Variants in DLG2 observed in about 807,000 individuals in gnomAD.
The protein encoded by DLG2 is disks large homolog 2.
A neutral mutation model predicts 132.5 loss-of-function variants in DLG2; 45 were observed. The observed-to-expected ratio is 0.34, with a 90% CI of 0.27 to 0.44. The LOEUF is 0.44. Ranked by LOEUF, DLG2 falls within the 20% of genes least tolerant of loss-of-function variation. DLG2 has a pLI of 1.00. For synonymous variants in DLG2, 424 were observed against 419.6 expected (o/e 1.01, Z -0.13); for missense variants, 1,045 against 1,196.9 (o/e 0.87, Z 1.87).
chr11:84,504,994 T>C (rs541637757), intron 7 of DLG2, among the ~76,000 whole-genome samples: 1 of 152,292 alleles, frequency 6.6e-6, no homozygotes, highest in South Asian at 2.1e-4. Context: ...ATTCACTCTT[T>C]TATATTCTTT....
At chr11:83,562,886 G>C (rs916549151) in intron 19 of DLG2, among the ~76,000 whole-genome samples, 1 of 150,926 alleles carries the variant, frequency 6.6e-6, no homozygotes, top group Non-Finnish European at 1.5e-5. Flanking sequence ...ATCTGCATCT[G>C]GTCTTTAAGA....
At chr11:84,302,845 G>C (rs776671609) in intron 7 of DLG2, among the ~76,000 whole-genome samples, 1 of 152,012 alleles carries the variant, frequency 6.6e-6, no homozygotes, top group Non-Finnish European at 1.5e-5. Context: ...TCAGCACTTT[G>C]GGAGACCGAG....
intron 6 of DLG2, among the ~76,000 whole-genome samples, chr11:84,724,024 T>C (rs1247511124): frequency 2.0e-5 from 3 of 152,156 alleles, no homozygotes; most frequent in Non-Finnish European, 4.4e-5. Flanking sequence ...TAGCTAGTTA[T>C]GCATCTTTTT....
chr11:84,284,094 C>T (rs1458490446), intron 7 of DLG2, among the ~76,000 whole-genome samples: 10 of 152,072 alleles, frequency 6.6e-5, no homozygotes, highest in Admixed American at 5.2e-4. Context: ...ATTAGCCAGG[C>T]GTGGTGGTGC....
In DLG2 at chr11:85,583,144, A is replaced by G. The variant is rs1416898228; in HGVS notation, c.40+15513T>C. Reference sequence around the variant, plus strand: ...TGTGTGTGTGTGTATATATATATATATATATATATATATATATATATATAT... The same window carrying G: ...TGTGTGTGTGTGTATATATATATATGTATATATATATATATATATATATAT... On this transcript the variant is annotated intron_variant, in intron 3 of 27. Coordinates refer to ENST00000376104, the MANE Select transcript of DLG2 (RefSeq NM_001142699.3). Among the ~76,000 whole-genome samples, 150 of 104,308 alleles carry G rather than the reference A, an allele frequency of 1.4e-3. 1 individual carries two copies. Among genetic ancestry groups the G allele is most frequent in the African/African-American group, 3.2e-3 (87 of 27,082 alleles). 68.4% of individuals were successfully genotyped at this position (104,308 alleles called of 152,430 possible).
At chr11:85,252,852 G>A (rs1194245708) in intron 4 of DLG2, among the ~76,000 whole-genome samples, 2 of 152,114 alleles carry the variant, frequency 1.3e-5, no homozygotes, top group South Asian at 2.1e-4. Context: ...TACCAAGAAG[G>A]GTTTGAATAA....
At chr11:83,483,380 T>G (rs1591603793) in intron 22 of DLG2, 1 of 1,046,512 alleles carries the variant, frequency 9.6e-7, no homozygotes, top group South Asian at 1.3e-5. Context: ...GGAGTTGAAA[T>G]GAATACTACC....
At chr11:84,542,437 G>A (rs774358581) in intron 6 of DLG2, among the ~76,000 whole-genome samples, 1 of 152,146 alleles carries the variant, frequency 6.6e-6, no homozygotes, top group Admixed American at 6.6e-5. Flanking sequence ...TCTGTGTCAA[G>A]TTTTATCTGT....
chr11:84,750,944 T>C (rs2066029898), intron 6 of DLG2, among the ~76,000 whole-genome samples: 1 of 152,194 alleles, frequency 6.6e-6, no homozygotes. Flanking sequence ...GTAATGCTTA[T>C]AAGATTGAAA....
In DLG2 at chr11:84,278,255, T is replaced by C. The variant is rs56061369; in HGVS notation, c.520-26964A>G. Among the ~76,000 whole-genome samples, 1,333 of 152,142 alleles carry C rather than the reference T, an allele frequency of 8.8e-3. 17 individuals are homozygous for C. The highest frequency in any genetic ancestry group is 0.029 in the African/African-American group (1,199 of 41,498). On this transcript the variant is annotated intron_variant, in intron 7 of 27. Coordinates refer to ENST00000376104, the MANE Select transcript of DLG2 (RefSeq NM_001142699.3). ...ACCTTAGATGAAATGGACAAATTCC[T>C]TGAAAGATGCAAACTAATCAAGAAG...
chr11:83,601,115 T>G (rs1406954019), intron 19 of DLG2, among the ~76,000 whole-genome samples: 1 of 152,222 alleles, frequency 6.6e-6, no homozygotes, highest in East Asian at 1.9e-4. Flanking sequence ...ATCTGGCACA[T>G]AGCAGATGCT....
intron 3 of DLG2, among the ~76,000 whole-genome samples, chr11:85,473,826 T>C (rs2093058724): frequency 6.6e-6 from 1 of 151,870 alleles, no homozygotes. Context: ...GAAGTAGAAG[T>C]CACAACTTTC....
At chr11:83,479,158 G>T (rs866648598) in intron 22 of DLG2, among the ~76,000 whole-genome samples, 91 of 151,984 alleles carry the variant, frequency 6.0e-4, no homozygotes, top group African/African-American at 2.1e-3. Context: ...TTGACCAAGG[G>T]TATCTCATTA....
chr11:85,070,903 G>C (rs919263428), intron 6 of DLG2, among the ~76,000 whole-genome samples: 2 of 151,792 alleles, frequency 1.3e-5, no homozygotes, highest in African/African-American at 4.8e-5. Context: ...TTGTGAAGTT[G>C]TTTTCCTACT....
intron 11 of DLG2, among the ~76,000 whole-genome samples, chr11:83,992,595 G>A (rs943849561): frequency 8.5e-5 from 13 of 152,070 alleles, no homozygotes; most frequent in South Asian, 2.1e-4. Flanking sequence ...AGTTTTAGGC[G>A]GAGTGCAGTC....
chr11:84,972,953 T>G lies in DLG2; in HGVS notation c.357+138708A>C, dbSNP rs573437560. Among the ~76,000 whole-genome samples the G allele has an allele frequency of 4.6e-5, 7 of 151,490 alleles. No homozygotes were observed. In the East Asian group the frequency reaches 1.4e-3, roughly 29 times the overall value. On this transcript the variant is annotated intron_variant, in intron 6 of 27. Transcript: ENST00000376104. ...AATCTAAGCCTCAGTTTTTTGGGTTTTTTTTTTTTTCTTTTTTTTTTGAGA... is the reference window on the plus strand; with the variant it reads ...AATCTAAGCCTCAGTTTTTTGGGTTGTTTTTTTTTTCTTTTTTTTTTGAGA...
intron 11 of DLG2, among the ~76,000 whole-genome samples, chr11:84,045,905 C>T (rs1229622539): frequency 2.0e-5 from 3 of 151,466 alleles, no homozygotes; most frequent in Non-Finnish European, 4.4e-5. Flanking sequence ...GAGTTGTCCG[C>T]TGTAGCCGTA....
chr11:85,206,626 T>G (rs932747104), intron 4 of DLG2, among the ~76,000 whole-genome samples: 2 of 152,204 alleles, frequency 1.3e-5, no homozygotes, highest in Non-Finnish European at 2.9e-5. Context: ...GGAAATCTCC[T>G]GAATTTGTAA....
At chr11:85,599,282 G>A (rs549851963) in intron 2 of DLG2, among the ~76,000 whole-genome samples, 24 of 151,858 alleles carry the variant, frequency 1.6e-4, no homozygotes, top group African/African-American at 4.8e-4. Flanking sequence ...GCATGCATGC[G>A]CAGACACCCA....
Sources: gnomAD v4.1 joint callset for allele counts (sites outside exome capture counted in the v4.1 genomes callset) on GRCh38, gnomAD v4.1.1 for gene constraint, MANE v1.5 for transcripts, NCBI Gene and HGNC (gene_info 2026-07-23, HGNC 2026-07-21) for gene names.